PSMD14: variants seen among roughly 807,000 people sequenced by gnomAD.
PSMD14 encodes ubiquitin C-terminal hydrolase PSMD14.
A neutral mutation model predicts 41.2 loss-of-function variants in PSMD14; 7 were observed. The ratio of observed to expected loss-of-function variants is 0.17; its 90% CI spans 0.10 to 0.32. The LOEUF (loss-of-function observed/expected upper bound fraction) is 0.32. Among genes scored for constraint, PSMD14 ranks in the 10% least tolerant of loss-of-function variants. The pLI is 1.00. For synonymous variants in PSMD14, 114 were observed against 122.3 expected (o/e 0.93, Z 0.45); for missense variants, 139 against 375.6 (o/e 0.37, Z 5.21).
chr2:161,391,748 C>T (rs572838903), intron 9 of PSMD14, among the ~76,000 whole-genome samples: 1 of 152,164 alleles, frequency 6.6e-6, no homozygotes, highest in African/African-American at 2.4e-5. Flanking sequence ...TGCACCACCA[C>T]ACCTGGCTAT....
At chr2:161,403,642 T>C (rs1683911613) in intron 10 of PSMD14, among the ~76,000 whole-genome samples, 1 of 152,180 alleles carries the variant, frequency 6.6e-6, no homozygotes, top group Non-Finnish European at 1.5e-5. Flanking sequence ...CCCATTTGGC[T>C]CCTGCTTGCC....
At chr2:161,391,414 A>AC (rs2105266599) in intron 9 of PSMD14, among the ~76,000 whole-genome samples, 1 of 152,158 alleles carries the variant, frequency 6.6e-6, no homozygotes, top group South Asian at 2.1e-4. Context: ...AATAAATCAA[A>AC]CGTTCCACTT....
chr2:161,372,547 A>G (rs1412024740), intron 7 of PSMD14, among the ~76,000 whole-genome samples: 2 of 151,988 alleles, frequency 1.3e-5, no homozygotes, highest in South Asian at 4.1e-4. Context: ...ATCCACAAAA[A>G]CAGTAATAGA....
intron 3 of PSMD14, among the ~76,000 whole-genome samples, chr2:161,348,102 G>A (rs943025751): frequency 2.6e-5 from 4 of 152,128 alleles, no homozygotes; most frequent in African/African-American, 9.7e-5. Flanking sequence ...CAACCCTCTT[G>A]GAAAAACTTT....
chr2:161,377,377 T>A (rs905331436), intron 7 of PSMD14, among the ~76,000 whole-genome samples: 3 of 151,892 alleles, frequency 2.0e-5, no homozygotes, highest in Non-Finnish European at 4.4e-5. Context: ...TTATCTTTTG[T>A]TTGCTTCCTG....
At chr2:161,385,393 C>T (rs1683621058) in intron 7 of PSMD14, 71 bp from the exon 8 acceptor site, 4 of 760,494 alleles carry the variant, frequency 5.3e-6, no homozygotes, top group African/African-American at 3.5e-5. Flanking sequence ...TCGATCATGC[C>T]TTGTCCACTG....
At chr2:161,389,884 T>TTGC (rs1402123124) in intron 8 of PSMD14, among the ~76,000 whole-genome samples, 19 of 68,652 alleles carry the variant, frequency 2.8e-4, no homozygotes, top group Non-Finnish European at 4.9e-4. Context: ...TCTTTCTTTT[T>TTGC]TGTTGTTTTT....
intron 3 of PSMD14, among the ~76,000 whole-genome samples, chr2:161,327,946 C>CTCTGTGTGTGTG (rs1553503770): frequency 6.8e-5 from 8 of 117,116 alleles, no homozygotes; most frequent in Non-Finnish European, 1.4e-4. Context: ...CTCATGTAAG[C>CTCTGTGTGTGTG]TGTGTGTGTG....
At chr2:161,311,556 G>A (rs946475841) in intron 1 of PSMD14, among the ~76,000 whole-genome samples, 6 of 149,548 alleles carry the variant, frequency 4.0e-5, no homozygotes, top group Admixed American at 1.3e-4. Flanking sequence ...ATTCCCCACA[G>A]ATACAGATGG....
chr2:161,411,482 A>G lies in PSMD14; in HGVS notation c.*82A>G. On this transcript the variant is annotated 3_prime_UTR_variant, in exon 12 of 12. Coordinates refer to ENST00000409682, the MANE Select transcript of PSMD14 (RefSeq NM_005805.6). ...ATGCTCAAAATCAAGGGACCTCTGA[A>G]GGTGTACTTGGCTAAATGTAAGACA... The G allele has an allele frequency of 1.0e-6, 1 of 974,220 alleles. No individual in the cohort carries two copies. The highest frequency in any genetic ancestry group is 1.5e-6 in the Non-Finnish European group (1 of 671,610). 60.3% of individuals were successfully genotyped at this position (974,220 alleles called of 1,614,324 possible).
intron 8 of PSMD14, 99 bp downstream of exon 8, chr2:161,385,670 C>A: frequency 1.7e-6 from 1 of 594,786 alleles, no homozygotes; most frequent in South Asian, 3.3e-5. Flanking sequence ...TTTTAATTTG[C>A]TTGCAAATTA....
chr2:161,380,948 T>A (rs1264244267), intron 7 of PSMD14, among the ~76,000 whole-genome samples: 1 of 152,018 alleles, frequency 6.6e-6, no homozygotes, highest in Non-Finnish European at 1.5e-5. Flanking sequence ...AAGCAGTTGA[T>A]AACAGGTCAT....
At chr2:161,391,287 C>A in intron 9 of PSMD14, 109 bp downstream of exon 9, 1 of 1,105,634 alleles carries the variant, frequency 9.0e-7, no homozygotes, top group South Asian at 2.5e-5. Flanking sequence ...TTCAGTGTTT[C>A]CAAATATTAT....
chr2:161,359,482 AT>A (rs1220210589), intron 3 of PSMD14, among the ~76,000 whole-genome samples: 3 of 148,402 alleles, frequency 2.0e-5, no homozygotes, highest in East Asian at 1.9e-4. Flanking sequence ...ATAAAAAGTT[AT>A]TTTTTTAAGG....
chr2:161,352,861 A>C (rs2105248135), intron 3 of PSMD14, among the ~76,000 whole-genome samples: 1 of 152,188 alleles, frequency 6.6e-6, no homozygotes, highest in Admixed American at 6.5e-5. Context: ...CTGTGTTAAC[A>C]CCTCCAGGGC....
chr2:161,391,243 T>A, intron 9 of PSMD14, 65 bp downstream of exon 9: 1 of 1,408,638 alleles, frequency 7.1e-7, no homozygotes, highest in Non-Finnish European at 9.4e-7. Context: ...AACTATTACC[T>A]GGTATGTGAT....
chr2:161,411,306 C>A lies in PSMD14; in HGVS notation c.839C>A (p.Pro280His). The A allele has an allele frequency of 6.2e-7, 1 of 1,602,686 alleles. No homozygotes were observed. Among genetic ancestry groups the A allele is most frequent in the Non-Finnish European group, 8.5e-7 (1 of 1,174,080 alleles). ...LAIKNVGKQDPKRHLEEHVDV... is the reference protein window; with the variant it reads ...LAIKNVGKQDHKRHLEEHVDV... ...TCCTCATTTTTGTTCTTTTAGGACC[C>A]CAAACGTCATTTGGAGGAACATGTG... Residue 280 changes from proline (P) to histidine (H), a missense_variant, in exon 12 of 12, where the codon CCC becomes CAC. Around this residue, in one of 4 missense-constraint regions of PSMD14, gnomAD observed 80 missense variants for 138.1 expected, o/e 0.58. Coordinates refer to ENST00000409682, the MANE Select transcript of PSMD14 (RefSeq NM_005805.6).
intron 3 of PSMD14, among the ~76,000 whole-genome samples, chr2:161,342,619 CTT>C (rs879665409): frequency 7.0e-6 from 1 of 143,086 alleles, no homozygotes. Context: ...TTGTGTTTTG[CTT>C]TTTTTTTTTA....
At chr2:161,406,095 G>A (rs563431914) in intron 10 of PSMD14, among the ~76,000 whole-genome samples, 2 of 152,178 alleles carry the variant, frequency 1.3e-5, no homozygotes, top group South Asian at 4.1e-4. Context: ...TTTGTAAAAG[G>A]GTAAATAAAG....
Sources: allele counts gnomAD v4.1 joint callset (sites outside exome capture counted in the v4.1 genomes callset), GRCh38; gene constraint gnomAD v4.1.1; regional missense constraint gnomAD v4.1.1; transcripts MANE v1.5; gene names NCBI Gene and HGNC (gene_info 2026-07-23, HGNC 2026-07-21).